Variants in CDK19 observed in about 807,000 individuals in gnomAD.
The protein encoded by CDK19 is cyclin-dependent kinase 19.
Under a neutral mutation model 68.3 loss-of-function variants are expected in CDK19, and 20 were observed. The observed-to-expected ratio is 0.29, with a 90% CI of 0.21 to 0.43. The LOEUF is 0.43. Ranked by LOEUF, CDK19 falls within the 20% of genes least tolerant of loss-of-function variation. The probability of loss-of-function intolerance (pLI) is 1.00; values close to 1 mark genes in which losing one functional copy is unlikely to be tolerated. For missense variants in CDK19, 339 were observed against 623.5 expected, an observed-to-expected ratio of 0.54 and a Z score of 4.86; for synonymous variants, 221 against 222.8, an observed-to-expected ratio of 0.99 and a Z score of 0.07.
At chr6:110,623,054 T>A in intron 9 of CDK19, 142 bp from the exon 10 acceptor site, 1 of 676,534 alleles carries the variant, frequency 1.5e-6, no homozygotes, top group Non-Finnish European at 2.6e-6. Flanking sequence ...CTACATACTT[T>A]TATGTGAAAT....
upstream of CDK19, chr6:110,815,835 C>T (rs757391363): frequency 2.0e-5 from 3 of 152,502 alleles, no homozygotes; most frequent in Non-Finnish European, 4.4e-5. Flanking sequence ...TGCAGTGACT[C>T]GGGAGGCGAG....
intron 2 of CDK19, among the ~76,000 whole-genome samples, chr6:110,678,134 C>T (rs541091812): frequency 6.6e-6 from 1 of 152,244 alleles, no homozygotes; most frequent in South Asian, 2.1e-4. Flanking sequence ...AGGTGTGAGC[C>T]ACCACACTAG....
intron 1 of CDK19, among the ~76,000 whole-genome samples, chr6:110,800,709 A>T (rs528031624): frequency 6.6e-6 from 1 of 152,354 alleles, no homozygotes; most frequent in African/African-American, 2.4e-5. Flanking sequence ...CCACACGATC[A>T]TCTCAATTGG....
chr6:110,790,897 T>C (rs1258164499), intron 1 of CDK19, among the ~76,000 whole-genome samples: 3 of 151,694 alleles, frequency 2.0e-5, no homozygotes, highest in African/African-American at 7.3e-5. Context: ...AAGGGCCGGG[T>C]GCGGTGGCTC....
At chr6:110,769,571 A>C (rs3021292) in intron 1 of CDK19, among the ~76,000 whole-genome samples, 5,202 of 143,942 alleles carry the variant, frequency 0.036, 288 homozygotes, top group African/African-American at 0.13. Flanking sequence ...TCTCAAAAAA[A>C]AAAAAAAATA....
At chr6:110,737,080 A>C (rs190995713) in intron 2 of CDK19, among the ~76,000 whole-genome samples, 1 of 152,228 alleles carries the variant, frequency 6.6e-6, no homozygotes, top group Non-Finnish European at 1.5e-5. Context: ...TTCTTCAAAG[A>C]AGGAAAGCAT....
At chr6:110,676,488 T>C (rs915742083) in intron 2 of CDK19, among the ~76,000 whole-genome samples, 1 of 152,178 alleles carries the variant, frequency 6.6e-6, no homozygotes, top group Non-Finnish European at 1.5e-5. Flanking sequence ...TAGCATTGCA[T>C]GTTACAGAGA....
intron 1 of CDK19, among the ~76,000 whole-genome samples, chr6:110,781,909 A>G (rs927104000): frequency 7.0e-6 from 1 of 142,880 alleles, no homozygotes; most frequent in African/African-American, 2.7e-5. Flanking sequence ...ATCTCTGTCA[A>G]TAACTTGCCA....
intron 5 of CDK19, among the ~76,000 whole-genome samples, chr6:110,633,341 CAT>C (rs910909865): frequency 6.6e-6 from 1 of 152,142 alleles, no homozygotes; most frequent in African/African-American, 2.4e-5. Flanking sequence ...CAAGAGCTGA[CAT>C]ATATATATCT....
intron 1 of CDK19, among the ~76,000 whole-genome samples, chr6:110,796,851 T>C (rs1781971259): frequency 6.8e-6 from 1 of 146,448 alleles, no homozygotes; most frequent in Non-Finnish European, 1.5e-5. Context: ...CTACGAAAAA[T>C]ACAAAAAAAT....
At chr6:110,631,230 A>G (rs1276226486) in intron 6 of CDK19, among the ~76,000 whole-genome samples, 1 of 152,234 alleles carries the variant, frequency 6.6e-6, no homozygotes, top group Non-Finnish European at 1.5e-5. Flanking sequence ...TATACTTAGG[A>G]AATTTGGATA....
intron 1 of CDK19, among the ~76,000 whole-genome samples, chr6:110,771,105 T>C (rs1373591122): frequency 6.6e-6 from 1 of 152,142 alleles, no homozygotes; most frequent in Admixed American, 6.5e-5. Flanking sequence ...GGATCTACCA[T>C]TTTGGGGTCT....
At chr6:110,639,015 A>G (rs1562146555) in intron 4 of CDK19, among the ~76,000 whole-genome samples, 2 of 152,210 alleles carry the variant, frequency 1.3e-5, no homozygotes, top group African/African-American at 2.4e-5. Flanking sequence ...TAATTTTTAA[A>G]CCTGCACAGT....
chr6:110,731,632 T>C (rs1776766718), intron 2 of CDK19, among the ~76,000 whole-genome samples: 2 of 152,310 alleles, frequency 1.3e-5, no homozygotes, highest in South Asian at 4.1e-4. Context: ...AGGAAAAATA[T>C]ACTAGCACTG....
intron 3 of CDK19, among the ~76,000 whole-genome samples, chr6:110,670,112 G>A (rs1770871282): frequency 6.6e-6 from 1 of 152,002 alleles, no homozygotes; most frequent in Admixed American, 6.6e-5. Context: ...AGCCAAGATC[G>A]TGCCACTGCA....
chr6:110,675,958 T>C (rs763416543), intron 2 of CDK19, among the ~76,000 whole-genome samples: 7 of 152,168 alleles, frequency 4.6e-5, no homozygotes, highest in African/African-American at 7.2e-5. Flanking sequence ...CAAATACATT[T>C]CATGAAGCTA....
chr6:110,629,676 G>T (rs549456431), intron 6 of CDK19, among the ~76,000 whole-genome samples: 1 of 152,094 alleles, frequency 6.6e-6, no homozygotes, highest in Non-Finnish European at 1.5e-5. Context: ...TTCTAACATG[G>T]ACCATGTATG....
intron 1 of CDK19, among the ~76,000 whole-genome samples, chr6:110,761,634 G>A (rs1256373049): frequency 6.8e-6 from 1 of 146,762 alleles, no homozygotes; most frequent in Non-Finnish European, 1.5e-5. Context: ...GTGGACTAGA[G>A]ATAGAGATGT....
chr6:110,615,801 T>C (rs1358172027), intron 12 of CDK19, among the ~76,000 whole-genome samples: 1 of 152,210 alleles, frequency 6.6e-6, no homozygotes, highest in African/African-American at 2.4e-5. Context: ...TTACCAGTCA[T>C]TGTTCTGGAG....
Sources: gnomAD v4.1 joint callset for allele counts (sites outside exome capture counted in the v4.1 genomes callset) on GRCh38, gnomAD v4.1.1 for gene constraint, MANE v1.5 for transcripts, NCBI Gene and HGNC (gene_info 2026-07-23, HGNC 2026-07-21) for gene names.